QSOX1: variants seen among roughly 807,000 people sequenced by gnomAD.
QSOX1 encodes quiescin sulfhydryl oxidase 1.
A neutral mutation model predicts 76.1 loss-of-function variants in QSOX1; 40 were observed. The ratio of observed to expected loss-of-function variants is 0.53; its 90% CI spans 0.41 to 0.68. The LOEUF (loss-of-function observed/expected upper bound fraction) is 0.68, where lower values mean the gene tolerates loss of function less well. QSOX1 is among the 30% of genes least tolerant of loss of function. QSOX1 has a pLI of 0.00. For synonymous variants in QSOX1, 392 were observed against 413.1 expected (o/e 0.95, Z 0.62); for missense variants, 931 against 974.3 (o/e 0.96, Z 0.59).
chr1:180,198,480 G>T lies in QSOX1; in HGVS notation c.*1443G>T, dbSNP rs537508810. The T allele has an allele frequency of 2.3e-6, 1 of 436,570 alleles. No individual in the cohort carries two copies. The highest frequency in any genetic ancestry group is 1.6e-5 in the South Asian group (1 of 63,982). The allele number at this position is 436,570 out of a possible 1,614,324, so 27.0% of individuals were successfully genotyped here. Reference sequence around the variant, plus strand: ...GCTGCTGATAATGAACCTCATTAAGGGGGAGCAGGAGCCTCAATCCGATTT... The same window carrying T: ...GCTGCTGATAATGAACCTCATTAAGTGGGAGCAGGAGCCTCAATCCGATTT... On this transcript the variant is annotated 3_prime_UTR_variant, in exon 12 of 12. Coordinates refer to ENST00000367602, the MANE Select transcript of QSOX1 (RefSeq NM_002826.5).
chr1:180,180,356 A>G (rs769067938), intron 5 of QSOX1, among the ~76,000 whole-genome samples: 5 of 151,556 alleles, frequency 3.3e-5, no homozygotes, highest in Non-Finnish European at 7.4e-5. Flanking sequence ...GATTACAGGC[A>G]TGCACCACCA....
intron 6 of QSOX1, among the ~76,000 whole-genome samples, chr1:180,182,600 GC>G (rs1355606068): frequency 3.9e-5 from 6 of 152,102 alleles, no homozygotes; most frequent in Non-Finnish European, 8.8e-5. Context: ...CACAGCCCTG[GC>G]CCTCTTCTCC....
chr1:180,190,577 G>C lies in QSOX1; in HGVS notation c.1285G>C (p.Ala429Pro). 1 of 1,613,446 alleles carries C rather than the reference G, an allele frequency of 6.2e-7. No homozygotes were observed. Among genetic ancestry groups the C allele is most frequent in the Non-Finnish European group, 8.5e-7 (1 of 1,179,586 alleles). ...ARQNVDHSQE[A>P]AKAKEVLPAI... ...GCAAAATGTAGACCACTCACAGGAA[G>C]CAGGTACGTCCAGGACCCGTTCACC... The change falls in exon 10 of 12, where the codon GCA becomes CCA. Residue 429 changes from alanine (A) to proline (P), a missense_variant. Transcript: ENST00000367602.
rs776888188 is a variant in QSOX1 at position 180,190,447 on chromosome 1, CAAG to C, written c.1159_1161del (p.Lys387del). The C allele has an allele frequency of 1.5e-5, 25 of 1,613,728 alleles. No homozygotes were observed. The highest frequency in any genetic ancestry group is 8.9e-5 in the East Asian group (4 of 44,896). On this transcript the variant is annotated inframe_deletion, in exon 10 of 12. Transcript: ENST00000367602. ...GTGTCCCTCAGGGTGCCGTTCTTGCCAAGAAGGTGAACTGGATTGGCTGCCAGG... is the reference window on the plus strand; with the variant it reads ...GTGTCCCTCAGGGTGCCGTTCTTGCCAAGGTGAACTGGATTGGCTGCCAGG...
In QSOX1 at chr1:180,178,786, T is replaced by C. The variant is rs766638879; in HGVS notation, c.516-8T>C. The C allele has an allele frequency of 3.7e-6, 6 of 1,612,788 alleles. No individual in the cohort carries two copies. In the African/African-American group the frequency reaches 8.0e-5, roughly 22 times the overall value. ...GTGCAGAGTGACTGCCAGAATTGTCTCTTGCAGGCTGGAGGAGATTGATGG... is the reference window on the plus strand; with the variant it reads ...GTGCAGAGTGACTGCCAGAATTGTCCCTTGCAGGCTGGAGGAGATTGATGG... On this transcript the variant is annotated splice_polypyrimidine_tract_variant and splice_region_variant and intron_variant, in intron 4 of 11. Coordinates refer to ENST00000367602, the MANE Select transcript of QSOX1 (RefSeq NM_002826.5).
Position 180,190,509 on chromosome 1 carries a change from C to G in QSOX1, c.1217C>G (p.Ser406Cys). Reference protein sequence around the residue: ...SEPHFRGFPCSLWVLFHFLTV... With the variant: ...SEPHFRGFPCCLWVLFHFLTV... ...CCGCATTTCCGGGGCTTTCCCTGCT[C>G]CCTGTGGGTCCTCTTCCACTTCTTG... The change falls in exon 10 of 12, where the codon TCC (serine) becomes TGC (cysteine). Residue 406 changes from serine to cysteine, a missense_variant. Physicochemically the swap from Ser to Cys is moderately radical, Grantham distance 112. Transcript: ENST00000367602. 6.2e-7 allele frequency: 1 copy of G among 1,614,150 alleles called. No individual in the cohort carries two copies. The highest frequency in any genetic ancestry group is 8.5e-7 in the Non-Finnish European group (1 of 1,179,970).
At chr1:180,192,843 C>T (rs1397186028) in intron 10 of QSOX1, among the ~76,000 whole-genome samples, 3 of 152,112 alleles carry the variant, frequency 2.0e-5, no homozygotes, top group Admixed American at 2.0e-4. Context: ...GATGAGCTCC[C>T]TGGCAGGGAG....
rs557899594 is a variant in QSOX1 at position 180,194,410 on chromosome 1, C to G, written c.1468+18C>G. ...CCTTGCAGGTAAGGAAGGACCATCC[C>G]CAAGGCTGGAGTCACTTGTGGGGGA... On this transcript the variant is annotated intron_variant, in intron 11 of 11. Transcript: ENST00000367602. 1 of 1,517,208 alleles carries G rather than the reference C, an allele frequency of 6.6e-7. No individual in the cohort carries two copies. The highest frequency in any genetic ancestry group is 1.4e-5 in the African/African-American group (1 of 72,182). 94.0% of individuals were successfully genotyped at this position (1,517,208 alleles called of 1,614,324 possible). A position where few individuals can be genotyped will look rare whatever the true frequency, so the allele number is the denominator to read the frequency against.
chr1:180,173,510 A>G (rs548734568), intron 2 of QSOX1, among the ~76,000 whole-genome samples: 1 of 152,346 alleles, frequency 6.6e-6, no homozygotes, highest in African/African-American at 2.4e-5. Flanking sequence ...ATCCACAATA[A>G]AAGTTTATAT....
rs1023718050 is a variant in QSOX1 at position 180,200,108 on chromosome 1, A to G, written c.*3071A>G. 2.6e-5 allele frequency: 4 copies of G among 152,182 alleles called. No individual in the cohort carries two copies. Among genetic ancestry groups the G allele is most frequent in the African/African-American group, 9.7e-5 (4 of 41,432 alleles). 9.4% of individuals were successfully genotyped at this position (152,182 alleles called of 1,614,324 possible). ...GGTGGGGTCAAGTCCAGCCTTGAAG[A>G]GAATGGACTCTGGAATCTGACGTCT... On this transcript the variant is annotated 3_prime_UTR_variant, in exon 12 of 12. Transcript: ENST00000367602.
intron 1 of QSOX1, among the ~76,000 whole-genome samples, chr1:180,161,514 T>C (rs1662492677): frequency 6.6e-6 from 1 of 152,254 alleles, no homozygotes; most frequent in Non-Finnish European, 1.5e-5. Context: ...CAGATACTTA[T>C]TGAACTTATG....
chr1:180,185,109 G>A (rs1189387434), intron 7 of QSOX1, among the ~76,000 whole-genome samples: 1 of 152,152 alleles, frequency 6.6e-6, no homozygotes, highest in Admixed American at 6.5e-5. Context: ...GAGGCCCAAG[G>A]ACAGCAAAGT....
intron 2 of QSOX1, 68 bp from the exon 3 acceptor site, chr1:180,175,253 G>C (rs1662861271): frequency 6.2e-6 from 9 of 1,459,190 alleles, no homozygotes; most frequent in Non-Finnish European, 8.7e-6. Context: ...GATTTTCAGA[G>C]CAGGCCTGCG....
intron 2 of QSOX1, among the ~76,000 whole-genome samples, chr1:180,171,514 G>A (rs1662759449): frequency 6.6e-6 from 1 of 152,212 alleles, no homozygotes; most frequent in Admixed American, 6.5e-5. Flanking sequence ...GACAGGTGAG[G>A]TCTGAGATGC....
chr1:180,154,870 T>G lies in QSOX1; in HGVS notation c.-38T>G, dbSNP rs968532109. On this transcript the variant is annotated 5_prime_UTR_variant, in exon 1 of 12. Coordinates refer to ENST00000367602, the MANE Select transcript of QSOX1 (RefSeq NM_002826.5). ...TGCCGCGGCGCCGGGACCCGACTCA[T>G]CCGGTGCTTGCGTGTGGTGGTGAGC... 3.0e-6 allele frequency: 4 copies of G among 1,353,110 alleles called. No homozygotes were observed. Among genetic ancestry groups the G allele is most frequent in the Non-Finnish European group, 3.8e-6 (4 of 1,057,370 alleles). The allele number at this position is 1,353,110 out of a possible 1,614,324, so 83.8% of individuals were successfully genotyped here.
chr1:180,186,143 C>G lies in QSOX1; in HGVS notation c.978C>G (p.Arg326=). ...GGTTCCCGGTCCTGGAAGGGCAGCG[C>G]CTGGTGGCCCTGAAAAAGTTTGTGG... ...VGRFPVLEGQ[R]LVALKKFVAV... is the part of the protein sequence containing the mutation. The change falls in exon 8 of 12, where the codon CGC becomes CGG. Residue 326 remains arginine (R), a synonymous_variant. Coordinates refer to ENST00000367602, the MANE Select transcript of QSOX1 (RefSeq NM_002826.5). 1 of 1,614,042 alleles carries G rather than the reference C, an allele frequency of 6.2e-7. No homozygotes were observed. Among genetic ancestry groups the G allele is most frequent in the Non-Finnish European group, 8.5e-7 (1 of 1,179,982 alleles).
chr1:180,170,114 G>A (rs929252457), intron 2 of QSOX1, among the ~76,000 whole-genome samples: 3 of 152,224 alleles, frequency 2.0e-5, no homozygotes, highest in Non-Finnish European at 2.9e-5. Flanking sequence ...GGAGGAGGGA[G>A]CCCAGAAATG....
intron 6 of QSOX1, among the ~76,000 whole-genome samples, chr1:180,183,180 T>G (rs573353499): frequency 1.3e-5 from 2 of 151,976 alleles, no homozygotes; most frequent in East Asian, 3.9e-4. Flanking sequence ...AGCCATCTGC[T>G]CACCGAGAAA....
At chr1:180,175,281 A>C (rs761582237) in intron 2 of QSOX1, 40 bp from the exon 3 acceptor site, 1 of 1,607,520 alleles carries the variant, frequency 6.2e-7, no homozygotes, top group East Asian at 2.2e-5. Context: ...ACTCTTGGCC[A>C]CTATCTATTA....
Sources: gnomAD v4.1 joint callset for allele counts (sites outside exome capture counted in the v4.1 genomes callset) on GRCh38, gnomAD v4.1.1 for gene constraint, MANE v1.5 for transcripts, NCBI Gene and HGNC (gene_info 2026-07-23, HGNC 2026-07-21) for gene names.